Variants in LINGO1 observed in about 807,000 individuals in gnomAD.
LINGO1 encodes leucine-rich repeat and immunoglobulin-like domain-containing nogo receptor-interacting protein 1.
A neutral mutation model predicts 37.3 loss-of-function variants in LINGO1; 11 were observed. The observed-to-expected ratio is 0.29, with a 90% CI of 0.19 to 0.49. LINGO1 has a LOEUF of 0.49. Ranked by LOEUF, LINGO1 falls within the 20% of genes least tolerant of loss-of-function variation. LINGO1 has a pLI of 0.99. For missense variants in LINGO1, 585 were observed against 878.2 expected, an observed-to-expected ratio of 0.67 and a Z score of 4.22; for synonymous variants, 387 against 403.0, an observed-to-expected ratio of 0.96 and a Z score of 0.48.
At chr15:77,758,768 G>T (rs2076445823) in intron 1 of LINGO1, among the ~76,000 whole-genome samples, 1 of 151,974 alleles carries the variant, frequency 6.6e-6, no homozygotes, top group African/African-American at 2.4e-5. Context: ...ATCAGATGGG[G>T]CCACCATCTA....
At chr15:77,755,784 A>C (rs1596193490) in intron 1 of LINGO1, among the ~76,000 whole-genome samples, 1 of 151,780 alleles carries the variant, frequency 6.6e-6, no homozygotes, top group African/African-American at 2.4e-5. Context: ...GCCCCACCCC[A>C]CCTGGCTGCC....
At chr15:77,752,391 C>T (rs886227322) in intron 1 of LINGO1, among the ~76,000 whole-genome samples, 2 of 152,190 alleles carry the variant, frequency 1.3e-5, no homozygotes, top group Admixed American at 6.5e-5. Flanking sequence ...CATCCAAAGC[C>T]AAACACAGCC....
At chr15:77,682,634 G>A (rs1040174652) in intron 2 of LINGO1, among the ~76,000 whole-genome samples, 4 of 151,904 alleles carry the variant, frequency 2.6e-5, no homozygotes, top group Non-Finnish European at 4.4e-5. Flanking sequence ...ACAGTCAGCC[G>A]ATTCCTGAAT....
chr15:77,770,127 C>A (rs897400565), intron 1 of LINGO1, among the ~76,000 whole-genome samples: 2 of 152,124 alleles, frequency 1.3e-5, no homozygotes, highest in African/African-American at 4.8e-5. Flanking sequence ...GAGAGGGGGA[C>A]CCTGTGGTGT....
intron 1 of LINGO1, among the ~76,000 whole-genome samples, chr15:77,762,569 T>C (rs1040286309): frequency 1.3e-5 from 2 of 152,162 alleles, no homozygotes; most frequent in Non-Finnish European, 2.9e-5. Context: ...CCTAAATTCC[T>C]GGGCTTCAAG....
chr15:77,792,256 C>T (rs2076824179), intron 2 of LINGO1, among the ~76,000 whole-genome samples: 1 of 152,234 alleles, frequency 6.6e-6, no homozygotes, highest in Admixed American at 6.5e-5. Flanking sequence ...CATCCTTCAG[C>T]AACGCCTTCA....
At chr15:77,725,826 T>A (rs994384169) in intron 2 of LINGO1, among the ~76,000 whole-genome samples, 1 of 152,190 alleles carries the variant, frequency 6.6e-6, no homozygotes, top group Non-Finnish European at 1.5e-5. Flanking sequence ...TATGTGTCCA[T>A]GGGCTTGAAA....
At chr15:77,655,497 T>C (rs565067310) in intron 3 of LINGO1, among the ~76,000 whole-genome samples, 1 of 152,174 alleles carries the variant, frequency 6.6e-6, no homozygotes, top group East Asian at 1.9e-4. Flanking sequence ...CCGAGATCAG[T>C]ACCACATCCG....
intron 2 of LINGO1, among the ~76,000 whole-genome samples, chr15:77,688,072 C>A (rs1338811710): frequency 6.6e-6 from 1 of 152,200 alleles, no homozygotes; most frequent in Non-Finnish European, 1.5e-5. Context: ...GCTGTTGGAT[C>A]CCTGGCCCCG....
chr15:77,819,024 C>T (rs900802510), intron 1 of LINGO1, among the ~76,000 whole-genome samples: 3 of 151,846 alleles, frequency 2.0e-5, no homozygotes, highest in Middle Eastern at 3.4e-3. Flanking sequence ...GTCGTCGGGG[C>T]TGCAGCTGCA....
chr15:77,810,030 C>T (rs2076991038), intron 1 of LINGO1, among the ~76,000 whole-genome samples: 1 of 152,026 alleles, frequency 6.6e-6, no homozygotes, highest in Non-Finnish European at 1.5e-5. Flanking sequence ...CCCTCCTCCC[C>T]CAATGACCTC....
chr15:77,747,760 A>T (rs890435518), intron 1 of LINGO1, among the ~76,000 whole-genome samples: 5 of 152,190 alleles, frequency 3.3e-5, no homozygotes, highest in African/African-American at 1.2e-4. Context: ...CTGAAATGTC[A>T]CCATTAAAGG....
chr15:77,797,245 C>T (rs2076881131), intron 1 of LINGO1, among the ~76,000 whole-genome samples: 1 of 152,256 alleles, frequency 6.6e-6, no homozygotes, highest in Non-Finnish European at 1.5e-5. Flanking sequence ...TCTTCAACCT[C>T]TCAGACCAAG....
chr15:77,670,540 A>T (rs1243395868), intron 3 of LINGO1, among the ~76,000 whole-genome samples: 1 of 152,314 alleles, frequency 6.6e-6, no homozygotes, highest in East Asian at 1.9e-4. Flanking sequence ...CTGGCATCTC[A>T]GGGCAGGCAC....
chr15:77,682,054 C>T (rs913232044), intron 2 of LINGO1, among the ~76,000 whole-genome samples: 3 of 152,062 alleles, frequency 2.0e-5, no homozygotes, highest in Non-Finnish European at 2.9e-5. Context: ...CTCCAGCACT[C>T]GTCCCTAAGA....
At chr15:77,621,763 T>C (rs1310023032) in intron 1 of LINGO1, among the ~76,000 whole-genome samples, 1 of 152,270 alleles carries the variant, frequency 6.6e-6, no homozygotes, top group Non-Finnish European at 1.5e-5. Flanking sequence ...TCCTTTCCTG[T>C]GCCTGCGGCT....
intron 3 of LINGO1, chr15:77,641,855 G>C (rs2074514266): frequency 2.2e-6 from 1 of 456,554 alleles, no homozygotes; most frequent in South Asian, 1.5e-5. Flanking sequence ...TGCCCAGCCT[G>C]ATAGGCTGAG....
intron 1 of LINGO1, among the ~76,000 whole-genome samples, chr15:77,630,911 G>C (rs557943633): frequency 1.3e-5 from 2 of 152,138 alleles, no homozygotes; most frequent in Non-Finnish European, 2.9e-5. Context: ...CTCCCACCTC[G>C]GGCCACGGGT....
intron 3 of LINGO1, among the ~76,000 whole-genome samples, chr15:77,653,845 AG>A (rs1173228443): frequency 6.6e-6 from 1 of 152,190 alleles, no homozygotes; most frequent in Non-Finnish European, 1.5e-5. Flanking sequence ...AACATTTATT[AG>A]GTACCTTCTG....
Sources: allele counts gnomAD v4.1 joint callset (sites outside exome capture counted in the v4.1 genomes callset), GRCh38; gene constraint gnomAD v4.1.1; transcripts MANE v1.5; gene names NCBI Gene and HGNC (gene_info 2026-07-23, HGNC 2026-07-21).